The following USP37 variants were observed in gnomAD, a reference collection of about 807,000 sequenced individuals.
USP37 encodes the protein ubiquitin carboxyl-terminal hydrolase 37.
Under a neutral mutation model 124.0 loss-of-function variants are expected in USP37, and 27 were observed. The ratio of observed to expected loss-of-function variants is 0.22; its 90% confidence interval spans 0.16 to 0.30. The LOEUF (loss-of-function observed/expected upper bound fraction) is 0.30, where lower values mean the gene tolerates loss of function less well. USP37 is among the 10% of genes least tolerant of loss of function. The probability of loss-of-function intolerance (pLI) is 1.00; values close to 1 mark genes in which losing one functional copy is unlikely to be tolerated. For synonymous variants in USP37, 365 were observed against 388.0 expected, an observed-to-expected ratio of 0.94 and a Z score of 0.70; for missense variants, 889 against 1,140.4, an observed-to-expected ratio of 0.78 and a Z score of 3.17.
At chr2:218,550,624 A>G (rs1209839430) in intron 5 of USP37, among the ~76,000 whole-genome samples, 1 of 151,496 alleles carries the variant, frequency 6.6e-6, no homozygotes, top group African/African-American at 2.4e-5. Flanking sequence ...CCTCAAAAAA[A>G]AAAGAAAAAA....
intron 11 of USP37, among the ~76,000 whole-genome samples, chr2:218,501,330 T>C (rs1689375395): frequency 6.6e-6 from 1 of 152,106 alleles, no homozygotes; most frequent in Admixed American, 6.6e-5. Context: ...GTGAGCCACA[T>C]GTCTGGTGGA....
chr2:218,468,487 TG>T (rs1356192307), intron 20 of USP37, among the ~76,000 whole-genome samples: 1 of 152,146 alleles, frequency 6.6e-6, no homozygotes, highest in East Asian at 1.9e-4. Context: ...CTTCTCAAAG[TG>T]CTGGGATTAC....
intron 8 of USP37, among the ~76,000 whole-genome samples, chr2:218,543,985 T>C (rs1692154219): frequency 6.6e-6 from 1 of 152,002 alleles, no homozygotes; most frequent in Admixed American, 6.6e-5. Flanking sequence ...GAAAGTAACT[T>C]TGATATTAAT....
At chr2:218,471,212 C>T (rs659185) in intron 20 of USP37, among the ~76,000 whole-genome samples, 70,516 of 151,958 alleles carry the variant, frequency 0.46, 19,526 homozygotes, top group East Asian at 0.78. Flanking sequence ...TTTTGTCAGG[C>T]TACTGCGACA....
chr2:218,526,109 T>G lies in USP37; in HGVS notation c.863+3847A>C. 1.3e-5 allele frequency among the ~76,000 whole-genome samples: 2 copies of G among 152,240 alleles called. 1 individual carries two copies. Among genetic ancestry groups the G allele is most frequent in the East Asian group, 3.8e-4 (2 of 5,206 alleles). ...ATCACTGATGAGCATTTAGGTTGAT[T>G]CCATGTCTTTGCTATTGTGAATAGT... On this transcript the variant is annotated intron_variant, in intron 10 of 25. Coordinates refer to ENST00000258399, the MANE Select transcript of USP37 (RefSeq NM_020935.3).
Position 218,455,651 on chromosome 2 carries a change from T to A in USP37, c.2781A>T (p.Val927=), listed in dbSNP as rs1417798013. The A allele has an allele frequency of 6.2e-7, 1 of 1,614,218 alleles. No homozygotes were observed. Among genetic ancestry groups the A allele is most frequent in the Non-Finnish European group, 8.5e-7 (1 of 1,180,030 alleles). The change falls in exon 25 of 26, where the codon GTA becomes GTT. Residue 927 remains valine, a synonymous_variant. Transcript: ENST00000258399. ...GCACGGCAGCCTCTTGGATTTTTGA[T>A]ACCTCCAGGTCATTGTAAGTAAACC... The part of the protein sequence containing the change: ...QAWFTYNDLE[V]SKIQEAAVQS...
At chr2:218,491,603 G>C (rs1175495935) in intron 14 of USP37, among the ~76,000 whole-genome samples, 1 of 152,204 alleles carries the variant, frequency 6.6e-6, no homozygotes, top group Non-Finnish European at 1.5e-5. Flanking sequence ...ACACAGCACT[G>C]AAAACCTAAT....
At position 218,529,959 on chromosome 2, in the gene USP37, T is replaced by C; in HGVS notation, c.860A>G (p.Asp287Gly). 6.2e-7 allele frequency: 1 copy of C among 1,609,684 alleles called. No individual in the cohort carries two copies. Among genetic ancestry groups the C allele is most frequent in the African/African-American group, 1.3e-5 (1 of 74,618 alleles). ...KEHSSGGTNL[D>G]RTNVSSQTPS... ...AAGTAATATAACCAATGCATACCTG[T>C]CTAAGTTAGTGCCACCAGAAGAGTG... The change falls in exon 10 of 26, where the codon GAC (aspartate) becomes GGC (glycine). Residue 287 changes from aspartate (D) to glycine (G), a missense_variant. By Grantham distance (94) the Asp-to-Gly change is moderately conservative (BLOSUM62 -1). Coordinates refer to ENST00000258399, the MANE Select transcript of USP37 (RefSeq NM_020935.3).
Position 218,454,716 on chromosome 2 carries a change from AAG to A in USP37, c.*212_*213del, listed in dbSNP as rs1221599899. ...AAAGAAGTGCCACTCATAGGAGAAA[AAG>A]AGGATAATCAGCTACGGATGTGAGA... is the stretch of plus-strand genomic sequence containing the variant. On this transcript the variant is annotated 3_prime_UTR_variant, in exon 26 of 26. Coordinates refer to ENST00000258399, the MANE Select transcript of USP37 (RefSeq NM_020935.3). 3 of 907,050 alleles carry A rather than the reference AAG, an allele frequency of 3.3e-6. No individual in the cohort carries two copies. The highest frequency in any genetic ancestry group is 4.1e-5 in the South Asian group (2 of 48,702). The allele number at this position is 907,050 out of a possible 1,614,324, so 56.2% of individuals were successfully genotyped here.
At chr2:218,554,861 T>C (rs1231684449) in intron 4 of USP37, among the ~76,000 whole-genome samples, 1 of 152,134 alleles carries the variant, frequency 6.6e-6, no homozygotes, top group Admixed American at 6.5e-5. Flanking sequence ...TTCCAAGCAA[T>C]TAAATAATCC....
chr2:218,535,073 A>G (rs906069228), intron 8 of USP37, among the ~76,000 whole-genome samples: 1 of 152,210 alleles, frequency 6.6e-6, no homozygotes, highest in African/African-American at 2.4e-5. Context: ...ATCAATTAAA[A>G]AGTAAACTGT....
intron 14 of USP37, among the ~76,000 whole-genome samples, chr2:218,492,811 A>G (rs965579963): frequency 6.6e-6 from 1 of 152,138 alleles, no homozygotes; most frequent in African/African-American, 2.4e-5. Context: ...TCAAGACTAG[A>G]CTGGGCAACA....
At chr2:218,489,754 A>G (rs1691816759) in intron 14 of USP37, among the ~76,000 whole-genome samples, 1 of 152,138 alleles carries the variant, frequency 6.6e-6, no homozygotes, top group African/African-American at 2.4e-5. Flanking sequence ...CTGGGATTAC[A>G]GGCACCAGCC....
intron 5 of USP37, among the ~76,000 whole-genome samples, chr2:218,552,082 G>A (rs1337703422): frequency 2.6e-5 from 4 of 152,094 alleles, no homozygotes; most frequent in Admixed American, 6.6e-5. Flanking sequence ...GTGAGCAACC[G>A]TGCCTGGCCT....
rs186991645 is a variant in USP37 at position 218,454,838 on chromosome 2, T to A, written c.*92A>T. 1.8e-5 allele frequency: 28 copies of A among 1,557,044 alleles called. No homozygotes were observed. The highest frequency in any genetic ancestry group is 2.3e-5 in the Non-Finnish European group (27 of 1,155,720). ...AGCTGTTTGTTGCTCCCGCATCAAG[T>A]AGAATTCCAAATTCTCCTTCAGCAG... On this transcript the variant is annotated 3_prime_UTR_variant, in exon 26 of 26. Transcript: ENST00000258399.
chr2:218,544,064 A>G lies in USP37; in HGVS notation c.680+2157T>C, dbSNP rs1230913774. Among the ~76,000 whole-genome samples, 2 of 152,072 alleles carry G rather than the reference A, an allele frequency of 1.3e-5. 1 individual carries two copies. The highest frequency in any genetic ancestry group is 2.9e-5 in the Non-Finnish European group (2 of 68,014). On this transcript the variant is annotated intron_variant, in intron 8 of 25. Coordinates refer to ENST00000258399, the MANE Select transcript of USP37 (RefSeq NM_020935.3). ...TATCTTTGTGACTTTTCTGCAAATT[A>G]GATTATTTCAAAATTAAAAAGTATA...
intron 10 of USP37, among the ~76,000 whole-genome samples, 184 bp downstream of exon 10, chr2:218,529,772 C>T (rs180827573): frequency 2.8e-4 from 43 of 152,194 alleles, no homozygotes; most frequent in Middle Eastern, 6.8e-3. Context: ...CAGGTGTGAG[C>T]CACTGTGCTC....
chr2:218,471,401 G>T (rs1690681644), intron 20 of USP37, among the ~76,000 whole-genome samples: 1 of 152,184 alleles, frequency 6.6e-6, no homozygotes, highest in African/African-American at 2.4e-5. Flanking sequence ...AAAACAGGCT[G>T]CTGAAAGAAA....
rs34538023 is a variant in USP37, at chr2:218,479,505, AG to A, written c.1901+144del. 1.9e-3 allele frequency: 1,206 copies of A among 644,904 alleles called. 6 individuals are homozygous for A. The highest frequency in any genetic ancestry group is 2.9e-3 in the Non-Finnish European group (1,090 of 376,982). The allele number at this position is 644,904 out of a possible 1,614,324, so 39.9% of individuals were successfully genotyped here. On this transcript the variant is annotated intron_variant, in intron 18 of 25. Transcript: ENST00000258399. ...CTTCAATATATTCTAAACCAAATTC[AG>A]GAAAGTTTCAAAAGTATAGGTAATA...
Sources: allele counts gnomAD v4.1 joint callset (sites outside exome capture counted in the v4.1 genomes callset), GRCh38; gene constraint gnomAD v4.1.1; transcripts MANE v1.5; gene names NCBI Gene and HGNC (gene_info 2026-07-23, HGNC 2026-07-21).